TM6SF1: variants seen among roughly 807,000 people sequenced by gnomAD.
TM6SF1 encodes transmembrane 6 superfamily member 1.
Under a neutral mutation model 47.1 loss-of-function variants are expected in TM6SF1, and 43 were observed. The observed-to-expected ratio is 0.91, with a 90% CI of 0.72 to 1.18. The LOEUF is 1.18. Among genes scored for constraint, TM6SF1 ranks in the 50% most tolerant of loss-of-function variants. TM6SF1 has a pLI of 0.00. For missense variants in TM6SF1, 390 were observed against 449.0 expected, an observed-to-expected ratio of 0.87 and a Z score of 1.19; for synonymous variants, 177 against 166.3, an observed-to-expected ratio of 1.06 and a Z score of -0.49.
In TM6SF1 at chr15:83,137,223, T is replaced by C. The variant is rs1171129836; in HGVS notation, c.*551T>C. ...AGAAAATTACTTTTACTAAATTTTT[T>C]TGTGTGAATTTAAACAGCTAAATAG... On this transcript the variant is annotated 3_prime_UTR_variant, in exon 10 of 10. Transcript: ENST00000322019. The C allele has an allele frequency of 6.6e-6, 1 of 152,228 alleles. No homozygotes were observed. The highest frequency in any genetic ancestry group is 1.5e-5 in the Non-Finnish European group (1 of 68,024). 9.4% of individuals were successfully genotyped at this position (152,228 alleles called of 1,614,324 possible).
chr15:83,119,726 G>C (rs1195663562), intron 4 of TM6SF1, 45 bp downstream of exon 4: 2 of 1,611,842 alleles, frequency 1.2e-6, no homozygotes, highest in Non-Finnish European at 1.7e-6. Context: ...CTTAGCAACC[G>C]ATAAGCGGGT....
intron 1 of TM6SF1, among the ~76,000 whole-genome samples, chr15:83,110,739 C>T (rs1273391574): frequency 6.6e-6 from 1 of 152,198 alleles, no homozygotes; most frequent in Non-Finnish European, 1.5e-5. Flanking sequence ...CTGGCTTCCT[C>T]CTTCTTCAGC....
At chr15:83,121,703 C>T (rs1431769601) in intron 4 of TM6SF1, among the ~76,000 whole-genome samples, 1 of 152,122 alleles carries the variant, frequency 6.6e-6, no homozygotes, top group Non-Finnish European at 1.5e-5. Context: ...GCGTAATTTC[C>T]TATTTAAAAG....
chr15:83,122,579 G>A (rs887665452), intron 5 of TM6SF1, among the ~76,000 whole-genome samples, 178 bp from the exon 6 acceptor site: 2 of 152,102 alleles, frequency 1.3e-5, no homozygotes, highest in Non-Finnish European at 2.9e-5. Context: ...CTGTAGATAG[G>A]ACATGCCTGT....
chr15:83,117,256 A>C (rs1430426427), intron 3 of TM6SF1, among the ~76,000 whole-genome samples: 1 of 152,150 alleles, frequency 6.6e-6, no homozygotes, highest in African/African-American at 2.4e-5. Flanking sequence ...TCCCTGGGGC[A>C]CCAATCTGCA....
In TM6SF1 at chr15:83,112,816, G is replaced by T; in HGVS notation, c.112G>T (p.Val38Phe). ...TTGCAGTTCCTGGACTATTGTAGGG[G>T]TTGCTGCCCTCATCCTGTTCCTGGT... ...AQHDSWTIVGVAALILFLVAL... is the reference protein window; with the variant it reads ...AQHDSWTIVGFAALILFLVAL... Residue 38 changes from valine (V) to phenylalanine (F), a missense_variant, in exon 2 of 10, where the codon GTT (valine) becomes TTT (phenylalanine). Transcript: ENST00000322019. The T allele has an allele frequency of 6.2e-7, 1 of 1,614,038 alleles. No homozygotes were observed. Among genetic ancestry groups the T allele is most frequent in the Admixed American group, 1.7e-5 (1 of 60,016 alleles).
chr15:83,114,248 A>G (rs967903933), intron 2 of TM6SF1: 1 of 152,306 alleles, frequency 6.6e-6, no homozygotes, highest in African/African-American at 2.4e-5. Flanking sequence ...TTTCTCCTGT[A>G]CCCTCAGCCC....
Position 83,136,687 on chromosome 15 carries a change from G to T in TM6SF1, c.*15G>T. On this transcript the variant is annotated 3_prime_UTR_variant, in exon 10 of 10. Transcript: ENST00000322019. The stretch of plus-strand genomic sequence containing the variant: ...AAGTGGAATAAAAATATTACTTCAT[G>T]TTCCTCCTTTCTAAATTACTAACTT... The T allele has an allele frequency of 6.3e-7, 1 of 1,580,622 alleles. No homozygotes were observed. Among genetic ancestry groups the T allele is most frequent in the Non-Finnish European group, 8.6e-7 (1 of 1,166,896 alleles).
intron 3 of TM6SF1, 97 bp from the exon 4 acceptor site, chr15:83,119,481 G>A (rs1036845399): frequency 4.9e-6 from 6 of 1,219,192 alleles, no homozygotes; most frequent in African/African-American, 1.5e-5. Flanking sequence ...ATGAACACAA[G>A]TTAGTTCTGC....
intron 1 of TM6SF1, 96 bp from the exon 2 acceptor site, chr15:83,112,701 G>A (rs2034295383): frequency 1.2e-6 from 1 of 860,862 alleles, no homozygotes. Context: ...GATGAATTAT[G>A]CAGCACTAGG....
At chr15:83,111,370 CATCT>C (rs896721468) in intron 1 of TM6SF1, among the ~76,000 whole-genome samples, 14 of 151,842 alleles carry the variant, frequency 9.2e-5, no homozygotes, top group East Asian at 3.9e-4. Context: ...ATCATCCATC[CATCT>C]ATTCACCCAT....
intron 4 of TM6SF1, among the ~76,000 whole-genome samples, chr15:83,121,550 A>C (rs928618542): frequency 6.6e-6 from 1 of 152,220 alleles, no homozygotes; most frequent in Non-Finnish European, 1.5e-5. Flanking sequence ...CATACTTATA[A>C]TGATTAAAAA....
At position 83,119,675 on chromosome 15, in the gene TM6SF1, C is replaced by T. The variant is rs774115059; in HGVS notation, c.392C>T (p.Ala131Val). The change falls in exon 4 of 10, where the codon GCA becomes GTA. Residue 131 changes from alanine to valine, a missense_variant. Ala to Val is a moderately conservative substitution (Grantham distance 64). Transcript: ENST00000322019. ...LMYLVMVAAIAWEETYRTIGL... is the reference protein window; with the variant it reads ...LMYLVMVAAIVWEETYRTIGL... ...TACCTGGTGATGGTGGCAGCCATAG[C>T]ATGGGAGTAAGTCAGTTCACCTGGT... 6.8e-5 allele frequency: 109 copies of T among 1,614,030 alleles called. No homozygotes were observed. The highest frequency in any genetic ancestry group is 8.5e-5 in the Non-Finnish European group (100 of 1,180,008).
rs866262617 is a variant in TM6SF1 at position 83,136,761 on chromosome 15, C to T, written c.*89C>T. 3.2e-5 allele frequency: 34 copies of T among 1,074,714 alleles called. No individual in the cohort carries two copies. Among genetic ancestry groups the T allele is most frequent in the Middle Eastern group, 3.2e-4 (1 of 3,144 alleles). 66.6% of individuals were successfully genotyped at this position (1,074,714 alleles called of 1,614,324 possible). On this transcript the variant is annotated 3_prime_UTR_variant, in exon 10 of 10. Transcript: ENST00000322019. ...TGTCCCATTTCACTCTCTTCTCATA[C>T]GTGAGTACTTAAGAATATGTACATT...
intron 7 of TM6SF1, 118 bp downstream of exon 7, chr15:83,124,894 C>T: frequency 2.3e-6 from 2 of 862,054 alleles, no homozygotes; most frequent in Non-Finnish European, 3.6e-6. Context: ...ACTAACAAAC[C>T]ATTCCTCCCA....
At chr15:83,124,925 C>T (rs532452420) in intron 7 of TM6SF1, 149 bp downstream of exon 7, 181 of 662,182 alleles carry the variant, frequency 2.7e-4, no homozygotes, top group Non-Finnish European at 4.1e-4. Context: ...GAGCCCTGGA[C>T]CTGCTTCCTG....
At chr15:83,111,472 C>A in intron 1 of TM6SF1, 1 of 217,476 alleles carries the variant, frequency 4.6e-6, no homozygotes, top group Non-Finnish European at 7.8e-6. Context: ...CATCCATCAT[C>A]CATCCAACCA....
intron 5 of TM6SF1, 69 bp downstream of exon 5, chr15:83,122,072 GCTC>G (rs1289717661): frequency 2.7e-5 from 34 of 1,240,288 alleles, no homozygotes; most frequent in Non-Finnish European, 3.7e-5. Context: ...AAATAGAGAA[GCTC>G]TTTTAGTTAT....
intron 9 of TM6SF1, chr15:83,135,498 C>T (rs1253006180): frequency 6.6e-6 from 1 of 152,128 alleles, no homozygotes; most frequent in Non-Finnish European, 1.5e-5. Context: ...TCTTGAATTT[C>T]AGCAAGATAT....
Sources: allele counts gnomAD v4.1 joint callset (sites outside exome capture counted in the v4.1 genomes callset), GRCh38; gene constraint gnomAD v4.1.1; transcripts MANE v1.5; gene names NCBI Gene and HGNC (gene_info 2026-07-23, HGNC 2026-07-21).